LARP1: variants seen among roughly 807,000 people sequenced by gnomAD.
The protein encoded by LARP1 is la-related protein 1.
Under a neutral mutation model 122.7 loss-of-function variants are expected in LARP1, and 36 were observed. The ratio of observed to expected loss-of-function variants is 0.29; its 90% CI spans 0.22 to 0.39. LARP1 has a LOEUF of 0.39. Among genes scored for constraint, LARP1 ranks in the 10% least tolerant of loss-of-function variants. The pLI is 1.00. For missense variants in LARP1, 1,040 were observed against 1,403.6 expected, an observed-to-expected ratio of 0.74 and a Z score of 4.14; for synonymous variants, 539 against 528.7, an observed-to-expected ratio of 1.02 and a Z score of -0.27.
intron 1 of LARP1, among the ~76,000 whole-genome samples, chr5:154,687,278 G>A (rs1317558518): frequency 6.6e-6 from 1 of 152,166 alleles, no homozygotes; most frequent in African/African-American, 2.4e-5. Flanking sequence ...AAATAAAGAT[G>A]AAGATAATAA....
In LARP1 at chr5:154,755,892, C is replaced by T; in HGVS notation, c.135C>T (p.Arg45=). The change falls in exon 1 of 19, where the codon CGC becomes CGT. Residue 45 remains arginine, a synonymous_variant. Coordinates refer to ENST00000518297, the MANE Select transcript of LARP1 (RefSeq NM_033551.3). ...GKGEPGPNDV[R]GGEPDGSARR... ...GCGAGCCCGGGCCAAACGACGTCCG[C>T]GGGGGGGAGCCGGACGGCAGCGCTC... 2.0e-6 allele frequency: 2 copies of T among 1,011,122 alleles called. No homozygotes were observed. The highest frequency in any genetic ancestry group is 2.4e-6 in the Non-Finnish European group (2 of 845,022). 62.6% of individuals were successfully genotyped at this position (1,011,122 alleles called of 1,614,324 possible). A position where few individuals can be genotyped will look rare whatever the true frequency, so the allele number is the denominator to read the frequency against.
intron 1 of LARP1, among the ~76,000 whole-genome samples, chr5:154,722,678 G>GTTTT (rs11315331): frequency 4.0e-5 from 4 of 99,140 alleles, no homozygotes; most frequent in South Asian, 3.4e-4. Context: ...TCTTTCCTAG[G>GTTTT]TTTTTTTTTT....
chr5:154,803,543 C>T lies in LARP1; in HGVS notation c.2237C>T (p.Pro746Leu). 2.5e-6 allele frequency: 4 copies of T among 1,614,170 alleles called. No individual in the cohort carries two copies. Among genetic ancestry groups the T allele is most frequent in the Non-Finnish European group, 3.4e-6 (4 of 1,180,034 alleles). ...PPGPPRFQQV[P>L]TDALANKLFG... ...ACTCCTCTCTCTGCCTCTGCAGTTCCTACGGATGCCCTGGCCAACAAGTTG... is the reference window on the plus strand; with the variant it reads ...ACTCCTCTCTCTGCCTCTGCAGTTCTTACGGATGCCCTGGCCAACAAGTTG... Residue 746 changes from proline (P) to leucine (L), a missense_variant, in exon 13 of 19, where the codon CCT (proline) becomes CTT (leucine). By Grantham distance (98) the Pro-to-Leu change is moderately conservative (BLOSUM62 -3). This residue lies in a region of LARP1 where 362 missense variants were observed against 533.1 expected (regional missense o/e 0.68). Coordinates refer to ENST00000518297, the MANE Select transcript of LARP1 (RefSeq NM_033551.3). This position sits in a 1 kb window ranked among gnomAD's most constrained non-coding sequence, Gnocchi z 4.4.
chr5:154,792,828 G>C (rs769436345), intron 4 of LARP1, 32 bp downstream of exon 4: 2 of 1,607,550 alleles, frequency 1.2e-6, no homozygotes, highest in Non-Finnish European at 1.7e-6. Context: ...TTGGGAGAAG[G>C]TGGCAGGGTA....
chr5:154,801,004 G>A (rs1758303432), intron 10 of LARP1, among the ~76,000 whole-genome samples: 1 of 152,138 alleles, frequency 6.6e-6, no homozygotes, highest in South Asian at 2.1e-4. Flanking sequence ...TGAAACAGGG[G>A]TCAGACTTAG....
chr5:154,685,380 T>C (rs4958382), intron 1 of LARP1, among the ~76,000 whole-genome samples: 115,112 of 152,136 alleles, frequency 0.76, 43,987 homozygotes, highest in African/African-American at 0.88. Context: ...TTAGGTCCTT[T>C]GGCCATGGTA....
Position 154,790,320 on chromosome 5 carries a change from C to T in LARP1, c.437-5C>T, listed in dbSNP as rs755724497. ...ATTACTAACTCTCCCTTCTTGTTCC[C>T]ACAGAACACTCTGCTCCAGCCAAGG... is the stretch of plus-strand genomic sequence containing the variant. On this transcript the variant is annotated splice_polypyrimidine_tract_variant and splice_region_variant and intron_variant, in intron 1 of 18. Coordinates refer to ENST00000518297, the MANE Select transcript of LARP1 (RefSeq NM_033551.3). 4.3e-6 allele frequency: 7 copies of T among 1,612,792 alleles called. No individual in the cohort carries two copies. The South Asian group carries it at 6.6e-5, about 15-fold the overall frequency.
chr5:154,753,389 T>C (rs1489251010), upstream of LARP1, among the ~76,000 whole-genome samples: 1 of 151,818 alleles, frequency 6.6e-6, no homozygotes, highest in African/African-American at 2.4e-5. Context: ...GAAGCTGCAG[T>C]GAGCCATGAT....
At chr5:154,714,377 A>G (rs1755375867) in intron 1 of LARP1, among the ~76,000 whole-genome samples, 1 of 152,216 alleles carries the variant, frequency 6.6e-6, no homozygotes, top group Non-Finnish European at 1.5e-5. Flanking sequence ...AATACCATTT[A>G]CTGGGACTTT....
intron 1 of LARP1, among the ~76,000 whole-genome samples, chr5:154,693,275 CCA>C (rs1307387670): frequency 6.6e-6 from 1 of 152,018 alleles, no homozygotes; most frequent in Admixed American, 6.6e-5. Context: ...GTAGCTGGGA[CCA>C]CAGGCATGAG....
intron 1 of LARP1, among the ~76,000 whole-genome samples, chr5:154,735,384 G>A (rs183172216): frequency 1.3e-5 from 2 of 151,824 alleles, no homozygotes; most frequent in East Asian, 2.0e-4. Flanking sequence ...CCTGGGAGGC[G>A]GAGGTTGCAG....
intron 1 of LARP1, among the ~76,000 whole-genome samples, chr5:154,746,903 G>C (rs1753222036): frequency 1.3e-5 from 2 of 152,164 alleles, no homozygotes. Context: ...GGGAAGCTGT[G>C]GTGGGCAGAC....
intron 10 of LARP1, among the ~76,000 whole-genome samples, chr5:154,801,785 A>G (rs1248727101): frequency 1.3e-5 from 2 of 152,222 alleles, no homozygotes; most frequent in Non-Finnish European, 2.9e-5. Context: ...CATGACTGTG[A>G]TATGAGCTGT....
Position 154,785,396 on chromosome 5 carries a change from A to G in LARP1, c.437-4929A>G, listed in dbSNP as rs568218914. Among the ~76,000 whole-genome samples the G allele has an allele frequency of 8.5e-5, 13 of 152,296 alleles. No individual in the cohort carries two copies. The East Asian group carries it at 1.4e-3, about 16-fold the overall frequency. ...TGTATCTCCCCCCATCCCCATCTCT[A>G]TCTCAGAGTGAGGGTGGCGATTGCT... is the stretch of plus-strand genomic sequence containing the variant. On this transcript the variant is annotated intron_variant, in intron 1 of 18. Transcript: ENST00000518297.
intron 1 of LARP1, among the ~76,000 whole-genome samples, chr5:154,699,302 A>G (rs1425436277): frequency 6.6e-6 from 1 of 152,190 alleles, no homozygotes; most frequent in Non-Finnish European, 1.5e-5. Flanking sequence ...TTTAAAATAA[A>G]GATTCTTGGG....
chr5:154,734,552 A>G (rs1756768737), intron 1 of LARP1, among the ~76,000 whole-genome samples: 1 of 152,310 alleles, frequency 6.6e-6, no homozygotes, highest in East Asian at 1.9e-4. Flanking sequence ...ACATTTGACA[A>G]AAATAGTATC....
chr5:154,699,809 T>G (rs1330117635), intron 1 of LARP1, among the ~76,000 whole-genome samples: 1 of 152,208 alleles, frequency 6.6e-6, no homozygotes, highest in Non-Finnish European at 1.5e-5. Flanking sequence ...AACAGCTCCA[T>G]TTTAATCCAT....
chr5:154,716,920 C>T (rs537860250), intron 1 of LARP1, among the ~76,000 whole-genome samples: 1 of 151,980 alleles, frequency 6.6e-6, no homozygotes, highest in Non-Finnish European at 1.5e-5. Context: ...ATTAGCCGGG[C>T]GTCATTGAGT....
At chr5:154,763,915 G>A (rs932214410) in intron 1 of LARP1, among the ~76,000 whole-genome samples, 1 of 152,174 alleles carries the variant, frequency 6.6e-6, no homozygotes, top group African/African-American at 2.4e-5. Context: ...TGGGGAGGCT[G>A]AGGTGGGAGG....
Sources: allele counts gnomAD v4.1 joint callset (sites outside exome capture counted in the v4.1 genomes callset), GRCh38; gene constraint gnomAD v4.1.1; regional missense constraint gnomAD v4.1.1; non-coding constraint Gnocchi (gnomAD v3.1); transcripts MANE v1.5; gene names NCBI Gene and HGNC (gene_info 2026-07-23, HGNC 2026-07-21).